METTL16: variants seen among roughly 807,000 people sequenced by gnomAD.
METTL16 encodes RNA N(6)-adenosine-methyltransferase METTL16.
In METTL16, 19 loss-of-function variants were observed where a neutral mutation model predicts 57.9. That is an observed-to-expected ratio of 0.33 (90% CI 0.23 to 0.48). The LOEUF is 0.48. Among genes scored for constraint, METTL16 ranks in the 20% least tolerant of loss-of-function variants. The pLI is 0.99. For missense variants in METTL16, 434 were observed against 691.5 expected, an observed-to-expected ratio of 0.63 and a Z score of 4.18; for synonymous variants, 246 against 255.6, an observed-to-expected ratio of 0.96 and a Z score of 0.36.
At chr17:2,457,134 T>C (rs1453307452) in intron 6 of METTL16, among the ~76,000 whole-genome samples, 2 of 141,110 alleles carry the variant, frequency 1.4e-5, no homozygotes, top group African/African-American at 2.7e-5. Flanking sequence ...GAGATCGAGA[T>C]CATCCCGGCT....
chr17:2,480,540 T>C (rs1438734522), intron 2 of METTL16, among the ~76,000 whole-genome samples: 1 of 152,154 alleles, frequency 6.6e-6, no homozygotes, highest in Non-Finnish European at 1.5e-5. Context: ...GGTTTCCAAA[T>C]AGCACTCCCC....
At chr17:2,485,133 C>T (rs1028239409) in intron 2 of METTL16, among the ~76,000 whole-genome samples, 1 of 152,170 alleles carries the variant, frequency 6.6e-6, no homozygotes, top group Admixed American at 6.5e-5. Context: ...TCAGCTCCGC[C>T]TCCTGTCAGA....
At chr17:2,487,391 A>G (rs2067351443) in intron 2 of METTL16, among the ~76,000 whole-genome samples, 1 of 152,248 alleles carries the variant, frequency 6.6e-6, no homozygotes, top group Non-Finnish European at 1.5e-5. Context: ...GAGAAAATAT[A>G]AAGTGCGAAG....
chr17:2,421,612 T>C (rs9898228), intron 8 of METTL16, among the ~76,000 whole-genome samples: 10,553 of 152,260 alleles, frequency 0.069, 455 homozygotes, highest in Middle Eastern at 0.14. Context: ...TGCACAATTA[T>C]TTATTTCATG....
intron 3 of METTL16, among the ~76,000 whole-genome samples, chr17:2,476,143 G>A (rs2067267130): frequency 6.6e-6 from 1 of 152,196 alleles, no homozygotes; most frequent in Non-Finnish European, 1.5e-5. Flanking sequence ...GACTATGGTA[G>A]ACTCACTGAA....
At chr17:2,501,853 G>A (rs2067490891) in intron 2 of METTL16, among the ~76,000 whole-genome samples, 1 of 142,088 alleles carries the variant, frequency 7.0e-6, no homozygotes, top group Non-Finnish European at 1.5e-5. Context: ...GCGAGACTTT[G>A]TCTCAAAAAA....
At chr17:2,440,741 TGA>T (rs1381755998) in intron 7 of METTL16, among the ~76,000 whole-genome samples, 1 of 150,952 alleles carries the variant, frequency 6.6e-6, no homozygotes, top group Non-Finnish European at 1.5e-5. Flanking sequence ...GAGGCTGAGG[TGA>T]GAGGACTGCT....
rs1270279751 is a variant in METTL16, at chr17:2,419,806, G to A, written c.*164C>T. On this transcript the variant is annotated 3_prime_UTR_variant, in exon 10 of 10. Coordinates refer to ENST00000263092, the MANE Select transcript of METTL16 (RefSeq NM_024086.4). The stretch of plus-strand genomic sequence containing the variant: ...ACGACTCCCTGTAACTCAAAAAGCG[G>A]GAAGGAGGCGGGGGGAGGTGGGGGA... 6 of 835,490 alleles carry A rather than the reference G, an allele frequency of 7.2e-6. No homozygotes were observed. Among genetic ancestry groups the A allele is most frequent in the African/African-American group, 5.1e-5 (3 of 59,254 alleles). The allele number at this position is 835,490 out of a possible 1,614,324, so 51.8% of individuals were successfully genotyped here.
Position 2,420,948 on chromosome 17 carries a change from A to G in METTL16, c.889-44T>C. On this transcript the variant is annotated intron_variant, in intron 8 of 9. Transcript: ENST00000263092. The surrounding 1 kb of genome is among the most constrained non-coding windows in gnomAD (Gnocchi z 5.4). ...ATAGAAAAGAGAAGAAAGTTATCCG[A>G]ATAATTAAACCTCATGCATTGTAAT... 6.3e-7 allele frequency: 1 copy of G among 1,595,186 alleles called. No individual in the cohort carries two copies. Among genetic ancestry groups the G allele is most frequent in the Non-Finnish European group, 8.5e-7 (1 of 1,170,636 alleles).
intron 3 of METTL16, among the ~76,000 whole-genome samples, chr17:2,473,967 G>A (rs1009371715): frequency 1.3e-5 from 2 of 152,144 alleles, no homozygotes; most frequent in Non-Finnish European, 2.9e-5. Flanking sequence ...GGTACCTGAT[G>A]TCATACATGT....
rs1041349223 is a variant in METTL16 at position 2,417,747 on chromosome 17, T to TTA, written c.*2222_*2223insTA. ...GAAAGGAACACGCCAATGCCAAGAGTGGTTATGTTACAGAAGGTTGGGACT... is the reference window on the plus strand; with the variant it reads ...GAAAGGAACACGCCAATGCCAAGAGTTAGGTTATGTTACAGAAGGTTGGGACT... On this transcript the variant is annotated 3_prime_UTR_variant, in exon 10 of 10. Transcript: ENST00000263092. 1 of 151,056 alleles carries TTA rather than the reference T, an allele frequency of 6.6e-6. No homozygotes were observed. Among genetic ancestry groups the TTA allele is most frequent in the Non-Finnish European group, 1.5e-5 (1 of 67,766 alleles). The allele number at this position is 151,056 out of a possible 1,614,324, so 9.4% of individuals were successfully genotyped here. A position where few individuals can be genotyped will look rare whatever the true frequency, so the allele number is the denominator to read the frequency against.
At chr17:2,486,784 G>A (rs183391888) in intron 2 of METTL16, among the ~76,000 whole-genome samples, 79 of 151,924 alleles carry the variant, frequency 5.2e-4, no homozygotes, top group African/African-American at 1.9e-3. Flanking sequence ...ACCAACCTGG[G>A]TAGCATGGTG....
At chr17:2,443,513 G>C (rs2066969220) in intron 6 of METTL16, among the ~76,000 whole-genome samples, 1 of 140,208 alleles carries the variant, frequency 7.1e-6, no homozygotes, top group South Asian at 2.2e-4. Context: ...TTGAGACACA[G>C]TCTCACTCTG....
chr17:2,471,509 G>A (rs1394646654), intron 4 of METTL16, among the ~76,000 whole-genome samples: 2 of 152,076 alleles, frequency 1.3e-5, no homozygotes, highest in Non-Finnish European at 2.9e-5. Context: ...GGGATCAATG[G>A]CCAGGTGCAG....
intron 2 of METTL16, among the ~76,000 whole-genome samples, chr17:2,497,347 C>T (rs532196602): frequency 4.6e-5 from 6 of 131,218 alleles, no homozygotes; most frequent in African/African-American, 1.8e-4. Context: ...GGATCTCACT[C>T]TGTCGCCCAG....
At chr17:2,500,087 TAAGGATTATCTGTCAGAAA>T (rs2067476522) in intron 2 of METTL16, among the ~76,000 whole-genome samples, 3 of 152,138 alleles carry the variant, frequency 2.0e-5, no homozygotes, top group African/African-American at 7.2e-5. Flanking sequence ...TGATGACAGC[TAAGGATTATCTGTCAGAAA>T]AATGAACATA....
At position 2,458,687 on chromosome 17, in the gene METTL16, G is replaced by A. The variant is rs573632928; in HGVS notation, c.728+5521C>T. On this transcript the variant is annotated intron_variant, in intron 6 of 9. Transcript: ENST00000263092. ...AGATCACTCCACCTCACTGCAGCCT[G>A]GGTGACAGAGCAAGACTCTGACACA... Among the ~76,000 whole-genome samples the A allele has an allele frequency of 1.1e-4, 16 of 152,144 alleles. No individual in the cohort carries two copies. The East Asian group carries it at 3.1e-3, about 29-fold the overall frequency.
In METTL16 at chr17:2,420,833, C is replaced by A; in HGVS notation, c.960G>T (p.Val320=). 6.2e-7 allele frequency: 1 copy of A among 1,614,238 alleles called. No homozygotes were observed. Among genetic ancestry groups the A allele is most frequent in the South Asian group, 1.1e-5 (1 of 91,088 alleles). ...KPITFVVLAS[V]MKELSLKASP... is the part of the protein sequence containing the mutation. ...ATGCTTTGAGGGATAATTCCTTCAT[C>A]ACGGACGCCAGCACCACGAATGTTA... Residue 320 remains valine (V), a synonymous_variant, in exon 9 of 10, where the codon GTG becomes GTT. Coordinates refer to ENST00000263092, the MANE Select transcript of METTL16 (RefSeq NM_024086.4). This position sits in a 1 kb window ranked among gnomAD's most constrained non-coding sequence, Gnocchi z 5.4.
intron 8 of METTL16, chr17:2,436,956 A>T (rs2066913233): frequency 6.8e-6 from 1 of 148,068 alleles, no homozygotes; most frequent in South Asian, 2.1e-4. Flanking sequence ...ATCAGGGCTC[A>T]CTGCAGCCTC....
Sources: allele counts gnomAD v4.1 joint callset (sites outside exome capture counted in the v4.1 genomes callset), GRCh38; gene constraint gnomAD v4.1.1; non-coding constraint Gnocchi (gnomAD v3.1); transcripts MANE v1.5; gene names NCBI Gene and HGNC (gene_info 2026-07-23, HGNC 2026-07-21).